The following SLC24A5 variants were observed in gnomAD, a reference collection of about 807,000 sequenced individuals.
SLC24A5 encodes the protein solute carrier family 24 member 5.
A neutral mutation model predicts 51.6 loss-of-function variants in SLC24A5; 46 were observed. The observed-to-expected ratio is 0.89, with a 90% CI of 0.70 to 1.14. The LOEUF is 1.14. Among genes scored for constraint, SLC24A5 ranks in the 50% most tolerant of loss-of-function variants. The pLI is 0.00. For synonymous variants in SLC24A5, 230 were observed against 214.9 expected, an observed-to-expected ratio of 1.07 and a Z score of -0.62; for missense variants, 581 against 604.1, an observed-to-expected ratio of 0.96 and a Z score of 0.40.
intron 2 of SLC24A5, 121 bp downstream of exon 2, chr15:48,122,157 CTTG>C: frequency 9.7e-7 from 1 of 1,030,254 alleles, no homozygotes; most frequent in Middle Eastern, 2.6e-4. Context: ...GCACCAGCTT[CTTG>C]TTGTGGGGTC....
At chr15:48,141,254 A>G in intron 8 of SLC24A5, 40 bp downstream of exon 8, 1 of 1,452,302 alleles carries the variant, frequency 6.9e-7, no homozygotes, top group Non-Finnish European at 9.7e-7. Context: ...GTCATTCTAC[A>G]AGGCTAGAAT....
At position 48,138,974 on chromosome 15, in the gene SLC24A5, C is replaced by T; in HGVS notation, c.877C>T (p.Pro293Ser). Residue 293 changes from proline to serine, a missense_variant, in exon 7 of 9, where the codon CCA (proline) becomes TCA (serine). Pro to Ser is a moderately conservative substitution (Grantham distance 74). Transcript: ENST00000341459. ...HGLSQVSEDPPSVFNMPEADL... is the reference protein window; with the variant it reads ...HGLSQVSEDPSSVFNMPEADL... ...GTTTACTTTTTCCACAACAGATCCA[C>T]CAAGTGTTTTCAACATGCCTGAAGC... is the stretch of plus-strand genomic sequence containing the variant. 2.5e-6 allele frequency: 4 copies of T among 1,611,416 alleles called. No homozygotes were observed. The highest frequency in any genetic ancestry group is 1.7e-4 in the Middle Eastern group (1 of 6,042).
intron 6 of SLC24A5, chr15:48,137,720 T>A (rs1206619146): frequency 6.6e-6 from 1 of 151,992 alleles, no homozygotes; most frequent in Non-Finnish European, 1.5e-5. Context: ...ACCTCCTATG[T>A]TTTAATCTTG....
intron 2 of SLC24A5, among the ~76,000 whole-genome samples, chr15:48,131,991 T>C (rs1413168454): frequency 2.0e-5 from 3 of 152,190 alleles, no homozygotes; most frequent in Non-Finnish European, 2.9e-5. Context: ...GCAGACAGTA[T>C]GTAGGTGACA....
At chr15:48,131,586 C>G (rs1207141932) in intron 2 of SLC24A5, among the ~76,000 whole-genome samples, 1 of 152,080 alleles carries the variant, frequency 6.6e-6, no homozygotes, top group Non-Finnish European at 1.5e-5. Context: ...CCTCTATCTT[C>G]CACCATGAGT....
chr15:48,136,666 A>C lies in SLC24A5; in HGVS notation c.591-17A>C, dbSNP rs984503831. ...ACTTTCACTTTTAATTTAAAAACACAAATTTCTCTTTTGTAGGTATGAAGG... is the reference window on the plus strand; with the variant it reads ...ACTTTCACTTTTAATTTAAAAACACCAATTTCTCTTTTGTAGGTATGAAGG... On this transcript the variant is annotated splice_polypyrimidine_tract_variant and intron_variant, in intron 5 of 8. Coordinates refer to ENST00000341459, the MANE Select transcript of SLC24A5 (RefSeq NM_205850.3). 1 of 1,575,058 alleles carries C rather than the reference A, an allele frequency of 6.3e-7. No individual in the cohort carries two copies. Among genetic ancestry groups the C allele is most frequent in the African/African-American group, 1.4e-5 (1 of 73,108 alleles).
chr15:48,133,552 A>G (rs566541877), intron 2 of SLC24A5, among the ~76,000 whole-genome samples: 1 of 152,316 alleles, frequency 6.6e-6, no homozygotes, highest in Admixed American at 6.5e-5. Flanking sequence ...ATTCTAGAGC[A>G]AAATTTTAAT....
At chr15:48,134,199 G>A (rs1362449607) in intron 2 of SLC24A5, 59 bp from the exon 3 acceptor site, 1 of 1,402,148 alleles carries the variant, frequency 7.1e-7, no homozygotes, top group Non-Finnish European at 1.0e-6. Flanking sequence ...ATTGTGTTTA[G>A]TTGTAAAGAC....
chr15:48,121,065 A>G lies in SLC24A5; in HGVS notation c.21A>G (p.Gln7=). The change falls in exon 1 of 9, where the codon CAA becomes CAG. Residue 7 remains glutamine, a synonymous_variant. Transcript: ENST00000341459. Reference sequence around the variant, plus strand: ...CAGAAATGCAGACAAAAGGGGGCCAAACATGGGCGAGAAGGGCTCTGTTGC... The same window carrying G: ...CAGAAATGCAGACAAAAGGGGGCCAGACATGGGCGAGAAGGGCTCTGTTGC... MQTKGG[Q]TWARRALLLG... 1 of 1,613,954 alleles carries G rather than the reference A, an allele frequency of 6.2e-7. No individual in the cohort carries two copies. The highest frequency in any genetic ancestry group is 8.5e-7 in the Non-Finnish European group (1 of 1,179,906).
At chr15:48,140,660 T>G (rs2039042288) in intron 7 of SLC24A5, 1 of 150,956 alleles carries the variant, frequency 6.6e-6, no homozygotes, top group African/African-American at 2.5e-5. Flanking sequence ...ATCACTAAAG[T>G]AGAACATAAT....
chr15:48,129,633 A>T (rs1372996817), intron 2 of SLC24A5, among the ~76,000 whole-genome samples: 1 of 152,160 alleles, frequency 6.6e-6, no homozygotes, highest in Non-Finnish European at 1.5e-5. Context: ...CATTGAAATG[A>T]CAGGAGTGGT....
chr15:48,134,500 C>A lies in SLC24A5; in HGVS notation c.451C>A (p.Leu151Ile). Residue 151 changes from leucine to isoleucine, a missense_variant, in exon 4 of 9, where the codon CTT (leucine) becomes ATT (isoleucine). Transcript: ENST00000341459. Reference sequence around the variant, plus strand: ...CCTTGGATCTGCAATTTATAATCTCCTTGGCATCTGTGCTGCCTGTGGTTT... The same window carrying A: ...CCTTGGATCTGCAATTTATAATCTCATTGGCATCTGTGCTGCCTGTGGTTT... ...TILGSAIYNL[L>I]GICAACGLLS... 1 of 1,613,520 alleles carries A rather than the reference C, an allele frequency of 6.2e-7. No individual in the cohort carries two copies. The highest frequency in any genetic ancestry group is 1.1e-5 in the South Asian group (1 of 91,062).
At chr15:48,135,242 C>G (rs1400801785) in intron 5 of SLC24A5, 1 of 303,882 alleles carries the variant, frequency 3.3e-6, no homozygotes. Flanking sequence ...CTTCTCCCCA[C>G]TGGCTGCCTA....
In SLC24A5 at chr15:48,136,905, A is replaced by C. The variant is rs1416356370; in HGVS notation, c.813A>C (p.Glu271Asp). Residue 271 changes from glutamate (E) to aspartate (D), a missense_variant, in exon 6 of 9, where the codon GAA becomes GAC. Glu to Asp is a conservative substitution (Grantham distance 45). Coordinates refer to ENST00000341459, the MANE Select transcript of SLC24A5 (RefSeq NM_205850.3). ...QSRTDSGIFYEDSGYSQLSIS... is the reference protein window; with the variant it reads ...QSRTDSGIFYDDSGYSQLSIS... ...GAACTGATAGTGGAATATTTTATGA[A>C]GATTCTGGCTACTCTCAGCTCTCTA... 3 of 1,613,748 alleles carry C rather than the reference A, an allele frequency of 1.9e-6. No homozygotes were observed. Among genetic ancestry groups the C allele is most frequent in the Non-Finnish European group, 2.5e-6 (3 of 1,179,802 alleles).
At chr15:48,136,423 G>T in intron 5 of SLC24A5, 2 of 313,810 alleles carry the variant, frequency 6.4e-6, no homozygotes, top group Admixed American at 4.9e-5. Flanking sequence ...CATTTGGAAG[G>T]AATCTACAAG....
intron 2 of SLC24A5, 129 bp downstream of exon 2, chr15:48,122,165 G>T (rs771036346): frequency 3.2e-6 from 3 of 942,530 alleles, no homozygotes; most frequent in South Asian, 1.3e-5. Flanking sequence ...TTCTTGTTGT[G>T]GGGTCCCGTG....
At chr15:48,126,283 C>A (rs947148906) in intron 2 of SLC24A5, among the ~76,000 whole-genome samples, 1 of 152,196 alleles carries the variant, frequency 6.6e-6, no homozygotes, top group African/African-American at 2.4e-5. Context: ...TTACCACCAT[C>A]TTAACTGTAT....
intron 2 of SLC24A5, chr15:48,122,424 T>G (rs1231009521): frequency 3.3e-6 from 1 of 302,866 alleles, no homozygotes; most frequent in Non-Finnish European, 6.0e-6. Flanking sequence ...TTATTTTTAC[T>G]CTAAGCTCGC....
chr15:48,140,939 C>A, intron 7 of SLC24A5, 174 bp from the exon 8 acceptor site: 1 of 515,726 alleles, frequency 1.9e-6, no homozygotes, highest in Non-Finnish European at 3.5e-6. Context: ...ACCCGAATTA[C>A]CAGCCTGATT....
Sources: allele counts gnomAD v4.1 joint callset (sites outside exome capture counted in the v4.1 genomes callset), GRCh38; gene constraint gnomAD v4.1.1; transcripts MANE v1.5; gene names NCBI Gene and HGNC (gene_info 2026-07-23, HGNC 2026-07-21).